The following KDM4C variants were observed in gnomAD, a reference collection of about 807,000 sequenced individuals.
The protein encoded by KDM4C is lysine-specific demethylase 4C.
Under a neutral mutation model 129.3 loss-of-function variants are expected in KDM4C, and 81 were observed. The ratio of observed to expected loss-of-function variants is 0.63; its 90% CI spans 0.52 to 0.75. KDM4C has a LOEUF of 0.75. Ranked by LOEUF, KDM4C falls within the 30% of genes least tolerant of loss-of-function variation. KDM4C has a pLI of 0.00. For synonymous variants in KDM4C, 573 were observed against 456.1 expected (o/e 1.26, Z -3.26); for missense variants, 1,457 against 1,304.0 (o/e 1.12, Z -1.81).
intron 8 of KDM4C, among the ~76,000 whole-genome samples, chr9:6,959,880 G>T (rs370524022): frequency 3.9e-4 from 60 of 152,106 alleles, no homozygotes; most frequent in African/African-American, 1.4e-3. Flanking sequence ...TGAAATAAAA[G>T]CCTGACCTAA....
At chr9:7,026,293 T>C (rs1005407412) in intron 15 of KDM4C, among the ~76,000 whole-genome samples, 1 of 152,140 alleles carries the variant, frequency 6.6e-6, no homozygotes, top group Admixed American at 6.5e-5. Context: ...CAGGTTTTGT[T>C]TGTCTGGGAA....
intron 5 of KDM4C, among the ~76,000 whole-genome samples, chr9:6,857,716 A>G (rs1166485252): frequency 6.6e-6 from 1 of 151,960 alleles, no homozygotes; most frequent in Non-Finnish European, 1.5e-5. Context: ...ATGTCAGTCA[A>G]CGTGCAAAGC....
intron 6 of KDM4C, among the ~76,000 whole-genome samples, chr9:6,883,137 C>T (rs1844736263): frequency 6.6e-6 from 1 of 152,124 alleles, no homozygotes; most frequent in African/African-American, 2.4e-5. Context: ...TCTAAATTAA[C>T]CTGCTCTCAT....
At chr9:7,059,748 G>T (rs1831355721) in intron 17 of KDM4C, among the ~76,000 whole-genome samples, 1 of 152,076 alleles carries the variant, frequency 6.6e-6, no homozygotes, top group Non-Finnish European at 1.5e-5. Flanking sequence ...GGCAGAGATT[G>T]GCAAAAATTT....
intron 1 of KDM4C, among the ~76,000 whole-genome samples, chr9:6,737,038 G>A (rs1402166551): frequency 5.5e-5 from 7 of 126,490 alleles, no homozygotes; most frequent in African/African-American, 9.0e-5. Flanking sequence ...GCGACACAGC[G>A]AGATTCTGTC....
intron 8 of KDM4C, among the ~76,000 whole-genome samples, chr9:6,979,584 T>G (rs1234324425): frequency 6.6e-6 from 1 of 152,116 alleles, no homozygotes; most frequent in Non-Finnish European, 1.5e-5. Flanking sequence ...TTATTCTAGG[T>G]CTAAGAAAAG....
At chr9:6,831,126 G>A (rs958580771) in intron 4 of KDM4C, among the ~76,000 whole-genome samples, 13 of 152,082 alleles carry the variant, frequency 8.5e-5, no homozygotes, top group Non-Finnish European at 1.6e-4. Context: ...TAATCCACTA[G>A]TCAGTGGGGG....
chr9:6,882,795 TG>T (rs1844661235), intron 6 of KDM4C, among the ~76,000 whole-genome samples: 1 of 151,974 alleles, frequency 6.6e-6, no homozygotes, highest in Non-Finnish European at 1.5e-5. Context: ...TGTGTGTGTG[TG>T]TGTGTGTGTG....
chr9:6,998,619 A>G (rs1206837393), intron 12 of KDM4C, among the ~76,000 whole-genome samples: 1 of 152,146 alleles, frequency 6.6e-6, no homozygotes, highest in Non-Finnish European at 1.5e-5. Context: ...AACATCGCAA[A>G]ACCCTGCCTC....
intron 5 of KDM4C, among the ~76,000 whole-genome samples, chr9:6,854,725 G>C (rs575527847): frequency 6.6e-6 from 1 of 152,252 alleles, no homozygotes; most frequent in Non-Finnish European, 1.5e-5. Flanking sequence ...AGTAAACTGA[G>C]ATTTTGTTAA....
chr9:6,843,626 A>G (rs1179834011), intron 4 of KDM4C, among the ~76,000 whole-genome samples: 2 of 152,108 alleles, frequency 1.3e-5, no homozygotes, highest in Non-Finnish European at 1.5e-5. Flanking sequence ...CGATTGAGAA[A>G]CCATCAGATC....
chr9:7,085,646 A>T (rs1835025764), intron 17 of KDM4C, among the ~76,000 whole-genome samples: 1 of 152,166 alleles, frequency 6.6e-6, no homozygotes, highest in South Asian at 2.1e-4. Flanking sequence ...TTCCCTGCTC[A>T]TAGGAGCGAG....
At chr9:7,082,527 T>A (rs566373976) in intron 17 of KDM4C, among the ~76,000 whole-genome samples, 2 of 152,308 alleles carry the variant, frequency 1.3e-5, no homozygotes, top group South Asian at 4.1e-4. Context: ...AGTAGCCTTA[T>A]GCAGATACAG....
chr9:6,746,339 G>A (rs966526333), intron 1 of KDM4C, among the ~76,000 whole-genome samples: 2 of 143,626 alleles, frequency 1.4e-5, no homozygotes, highest in Non-Finnish European at 3.0e-5. Context: ...AGCAATCTCG[G>A]CTCACTGCAA....
At chr9:7,142,264 CG>C (rs1285282830) in intron 19 of KDM4C, among the ~76,000 whole-genome samples, 5 of 152,264 alleles carry the variant, frequency 3.3e-5, no homozygotes, top group South Asian at 4.1e-4. Flanking sequence ...TGCTCTACCC[CG>C]GAACTTTTAA....
In KDM4C at chr9:7,083,711, ATGTGTG is replaced by A. The variant is rs142609948; in HGVS notation, c.2425-19942_2425-19937del. ...AAACGTCCCATGTAGCACATGACTG[ATGTGTG>A]TGTGTGTGTGTGTGTGTGTGTGTGT... On this transcript the variant is annotated intron_variant, in intron 17 of 21. Transcript: ENST00000381309. 7.9e-3 allele frequency among the ~76,000 whole-genome samples: 1,135 copies of A among 143,320 alleles called. 14 individuals are homozygous for A. Among genetic ancestry groups the A allele is most frequent in the African/African-American group, 0.028 (1,063 of 38,030 alleles). 94.0% of individuals were successfully genotyped at this position (143,320 alleles called of 152,430 possible).
At chr9:7,012,336 C>G (rs958068111) in intron 13 of KDM4C, among the ~76,000 whole-genome samples, 1 of 152,148 alleles carries the variant, frequency 6.6e-6, no homozygotes, top group African/African-American at 2.4e-5. Flanking sequence ...GCTTTGGTCT[C>G]CCAAATCTTT....
chr9:7,070,535 C>T (rs1833050560), intron 17 of KDM4C, among the ~76,000 whole-genome samples: 1 of 152,022 alleles, frequency 6.6e-6, no homozygotes, highest in Non-Finnish European at 1.5e-5. Flanking sequence ...TGGGTTTATC[C>T]TGAGAACATA....
intron 5 of KDM4C, among the ~76,000 whole-genome samples, chr9:6,854,718 A>T (rs1335534848): frequency 4.6e-5 from 7 of 152,284 alleles, no homozygotes; most frequent in South Asian, 2.1e-4. Context: ...TTCATTCAGT[A>T]AACTGAGATT....
Sources: allele counts gnomAD v4.1 joint callset (sites outside exome capture counted in the v4.1 genomes callset), GRCh38; gene constraint gnomAD v4.1.1; transcripts MANE v1.5; gene names NCBI Gene and HGNC (gene_info 2026-07-23, HGNC 2026-07-21).